Variants in RBFOX1 observed in about 807,000 individuals in gnomAD.
The protein encoded by RBFOX1 is RNA binding fox-1 homolog 1.
A neutral mutation model predicts 57.7 loss-of-function variants in RBFOX1; 8 were observed. That is an observed-to-expected ratio of 0.14 (90% confidence interval 0.08 to 0.25). RBFOX1 has a LOEUF of 0.25. Among genes scored for constraint, RBFOX1 ranks in the 10% least tolerant of loss-of-function variants. RBFOX1 has a pLI of 1.00. For synonymous variants in RBFOX1, 326 were observed against 222.4 expected (o/e 1.47, Z -4.15); for missense variants, 611 against 548.5 (o/e 1.11, Z -1.14).
At chr16:6,871,265 A>G (rs1486335233) in intron 3 of RBFOX1, among the ~76,000 whole-genome samples, 4 of 152,044 alleles carry the variant, frequency 2.6e-5, no homozygotes, top group African/African-American at 7.2e-5. Context: ...GGCTCACTCT[A>G]ACCTCCCCCT....
intron 1 of RBFOX1, among the ~76,000 whole-genome samples, chr16:6,210,337 C>CAAA (rs1443054145): frequency 1.1e-4 from 1 of 9,330 alleles, no homozygotes; most frequent in East Asian, 2.9e-3. Context: ...AACAAAAAAA[C>CAAA]AAAAAAACAA....
intron 2 of RBFOX1, among the ~76,000 whole-genome samples, chr16:6,420,665 C>G (rs1021935224): frequency 6.6e-6 from 1 of 152,180 alleles, no homozygotes; most frequent in Non-Finnish European, 1.5e-5. Flanking sequence ...TTGGTGTTTG[C>G]TCATATGAAA....
intron 4 of RBFOX1, among the ~76,000 whole-genome samples, chr16:7,116,943 C>A (rs148639839): frequency 1.4e-3 from 214 of 152,170 alleles, no homozygotes; most frequent in African/African-American, 4.9e-3. Flanking sequence ...GAGGATATAA[C>A]CTTGAGAAGA....
At chr16:5,614,628 T>G (rs1178107167) in intron 3 of RBFOX1, among the ~76,000 whole-genome samples, 1 of 152,214 alleles carries the variant, frequency 6.6e-6, no homozygotes, top group African/African-American at 2.4e-5. Flanking sequence ...CCTGTTCATT[T>G]GCTCCATAAT....
At chr16:5,247,250 A>G (rs1477859212) in intron 1 of RBFOX1, among the ~76,000 whole-genome samples, 2 of 152,208 alleles carry the variant, frequency 1.3e-5, no homozygotes, top group Non-Finnish European at 2.9e-5. Context: ...AAGGAAGTGC[A>G]GGATGCTCCT....
chr16:6,813,814 A>G (rs1042046356), intron 3 of RBFOX1, among the ~76,000 whole-genome samples: 1 of 152,202 alleles, frequency 6.6e-6, no homozygotes, highest in Admixed American at 6.5e-5. Flanking sequence ...GAATGAGTGA[A>G]GGGAGGAGGC....
intron 1 of RBFOX1, among the ~76,000 whole-genome samples, chr16:5,331,582 A>G (rs1436323404): frequency 6.6e-6 from 1 of 152,272 alleles, no homozygotes; most frequent in Non-Finnish European, 1.5e-5. Flanking sequence ...CAGACATCAT[A>G]CTTATTGACG....
intron 3 of RBFOX1, among the ~76,000 whole-genome samples, chr16:6,857,824 T>G (rs896958162): frequency 6.6e-6 from 1 of 152,206 alleles, no homozygotes; most frequent in Admixed American, 6.5e-5. Context: ...TTTTGGTAAT[T>G]AATTATAGTG....
intron 3 of RBFOX1, among the ~76,000 whole-genome samples, chr16:6,815,078 G>C (rs2089763689): frequency 6.6e-6 from 1 of 152,152 alleles, no homozygotes; most frequent in African/African-American, 2.4e-5. Flanking sequence ...GGTAGGCAAT[G>C]ACTAGAACTG....
intron 3 of RBFOX1, among the ~76,000 whole-genome samples, chr16:6,779,989 T>TTA (rs1307846869): frequency 1.3e-4 from 2 of 15,478 alleles, no homozygotes; most frequent in African/African-American, 3.4e-4. Context: ...ATTTATATAT[T>TTA]TATATATTTA....
intron 4 of RBFOX1, among the ~76,000 whole-genome samples, chr16:7,515,755 C>T (rs745683519): frequency 3.9e-5 from 6 of 152,152 alleles, no homozygotes; most frequent in African/African-American, 9.7e-5. Flanking sequence ...CAGTAGAAAC[C>T]TCTCTGTTCC....
intron 2 of RBFOX1, among the ~76,000 whole-genome samples, chr16:6,395,131 A>G (rs1234320040): frequency 4.6e-5 from 7 of 152,234 alleles, no homozygotes; most frequent in African/African-American, 1.7e-4. Context: ...TTTGCTAAAG[A>G]TATGGTGACA....
intron 4 of RBFOX1, among the ~76,000 whole-genome samples, chr16:7,499,263 A>G (rs140711806): frequency 6.6e-6 from 1 of 152,294 alleles, no homozygotes; most frequent in East Asian, 1.9e-4. Context: ...CTTGAGTTGT[A>G]GAAGCATCAC....
At chr16:7,654,647 A>G (rs9933342) in intron 12 of RBFOX1, among the ~76,000 whole-genome samples, 66,157 of 152,070 alleles carry the variant, frequency 0.44, 15,407 homozygotes, top group Non-Finnish European at 0.52. Flanking sequence ...AAAGAAAAAA[A>G]AAAATGATAC....
In RBFOX1 at chr16:6,999,191, TTTA is replaced by T. The variant is rs1389961873; in HGVS notation, c.-15-52863_-15-52861del. ...GCCTTTTTATTTTATTTTATTTTATTTTATTTTATTTTTTATTTTTATTTATTT... is the reference window on the plus strand; with the variant it reads ...GCCTTTTTATTTTATTTTATTTTATTTTTTATTTTTTATTTTTATTTATTT... On this transcript the variant is annotated intron_variant, in intron 3 of 15. Coordinates refer to ENST00000550418, the MANE Select transcript of RBFOX1 (RefSeq NM_018723.4). 8.5e-4 allele frequency among the ~76,000 whole-genome samples: 87 copies of T among 102,228 alleles called. 2 individuals carry two copies. Among genetic ancestry groups the T allele is most frequent in the African/African-American group, 2.1e-3 (74 of 35,006 alleles). 67.1% of individuals were successfully genotyped at this position (102,228 alleles called of 152,430 possible).
At chr16:6,601,911 A>G (rs1376651781) in intron 2 of RBFOX1, among the ~76,000 whole-genome samples, 2 of 152,176 alleles carry the variant, frequency 1.3e-5, no homozygotes. Flanking sequence ...TTTAAAGGAC[A>G]GTGACCTTGA....
rs542144336 is a variant in RBFOX1 at position 6,817,656 on chromosome 16, T to C, written c.-16+163006T>C. Among the ~76,000 whole-genome samples the C allele has an allele frequency of 2.1e-4, 32 of 151,772 alleles. No individual in the cohort carries two copies. The South Asian group carries it at 5.9e-3, about 28-fold the overall frequency. On this transcript the variant is annotated intron_variant, in intron 3 of 15. Coordinates refer to ENST00000550418, the MANE Select transcript of RBFOX1 (RefSeq NM_018723.4). ...AGGAGGAGGTTGCAGTGAGCTGAGA[T>C]TGCACCACTGCACTCCAGCCTGGGC...
At chr16:5,585,607 G>A (rs549741995) in intron 2 of RBFOX1, among the ~76,000 whole-genome samples, 81 of 152,276 alleles carry the variant, frequency 5.3e-4, no homozygotes, top group African/African-American at 1.8e-3. Context: ...GTGAGACTAT[G>A]GGATATCCCG....
At chr16:7,221,328 T>A (rs942944661) in intron 4 of RBFOX1, among the ~76,000 whole-genome samples, 5 of 129,532 alleles carry the variant, frequency 3.9e-5, no homozygotes, top group African/African-American at 1.3e-4. Flanking sequence ...ACTTGTTTAT[T>A]CTTTATTTTT....
Sources: allele counts gnomAD v4.1 joint callset (sites outside exome capture counted in the v4.1 genomes callset), GRCh38; gene constraint gnomAD v4.1.1; transcripts MANE v1.5; gene names NCBI Gene and HGNC (gene_info 2026-07-23, HGNC 2026-07-21).